The following MYBPC2 variants were observed in gnomAD, a reference collection of about 807,000 sequenced individuals.
MYBPC2 encodes the protein myosin-binding protein C, fast-type.
A neutral mutation model predicts 137.0 loss-of-function variants in MYBPC2; 122 were observed. That is an observed-to-expected ratio of 0.89 (90% confidence interval 0.77 to 1.03). The LOEUF (loss-of-function observed/expected upper bound fraction) is 1.03. Among genes scored for constraint, MYBPC2 ranks in the 50% least tolerant of loss-of-function variants. MYBPC2 has a pLI of 0.00. For synonymous variants in MYBPC2, 626 were observed against 612.3 expected (o/e 1.02, Z -0.33); for missense variants, 1,500 against 1,534.4 (o/e 0.98, Z 0.37).
Position 50,451,944 on chromosome 19 carries a change from C to T in MYBPC2, c.1690C>T (p.Leu564Phe), listed in dbSNP as rs748750674. ...IVVVAGNKLR[L>F]DVSITGEPPP... is the part of the protein sequence containing the mutation. ...GGTTGTGGCTGGAAACAAGCTGAGG[C>T]TTGACGTGTCCATCACAGGGGAGCC... Residue 564 changes from leucine (L) to phenylalanine (F), a missense_variant, in exon 16 of 28, where the codon CTT (leucine) becomes TTT (phenylalanine). Physicochemically the swap from Leu to Phe is conservative, Grantham distance 22. Coordinates refer to ENST00000357701, the MANE Select transcript of MYBPC2 (RefSeq NM_004533.4). 3 of 1,564,416 alleles carry T rather than the reference C, an allele frequency of 1.9e-6. No individual in the cohort carries two copies. The highest frequency in any genetic ancestry group is 2.6e-6 in the Non-Finnish European group (3 of 1,154,088).
intron 1 of MYBPC2, among the ~76,000 whole-genome samples, chr19:50,434,308 A>C (rs1397065134): frequency 1.4e-5 from 2 of 147,322 alleles, no homozygotes; most frequent in Non-Finnish European, 3.0e-5. Context: ...AGTGAGCCCA[A>C]ATCTTGCCAC....
chr19:50,443,464 C>G (rs1275858388), intron 9 of MYBPC2, 30 bp from the exon 10 acceptor site: 1 of 1,608,444 alleles, frequency 6.2e-7, no homozygotes, highest in Admixed American at 1.7e-5. Context: ...ATGCTCCACG[C>G]CCTGGTTTGA....
At chr19:50,456,435 C>CTTTTT (rs573334192) in intron 20 of MYBPC2, among the ~76,000 whole-genome samples, 2 of 132,418 alleles carry the variant, frequency 1.5e-5, no homozygotes, top group South Asian at 2.3e-4. Flanking sequence ...CTCTCTCTCT[C>CTTTTT]TTTTTTTTTT....
At chr19:50,443,852 G>T in intron 11 of MYBPC2, 36 bp downstream of exon 11, 3 of 1,576,842 alleles carry the variant, frequency 1.9e-6, no homozygotes, top group Non-Finnish European at 2.6e-6. Flanking sequence ...CCATACAGGT[G>T]CACATAGTTT....
chr19:50,457,680 G>GTTTTTTTT (rs544491551), intron 20 of MYBPC2, among the ~76,000 whole-genome samples: 9 of 126,422 alleles, frequency 7.1e-5, no homozygotes, highest in Non-Finnish European at 9.7e-5. Flanking sequence ...CCTGGGGAAA[G>GTTTTTTTT]TTTTTTTTTT....
chr19:50,436,315 G>A (rs1004204296), intron 4 of MYBPC2, among the ~76,000 whole-genome samples, 155 bp downstream of exon 4: 4 of 152,216 alleles, frequency 2.6e-5, no homozygotes, highest in Non-Finnish European at 4.4e-5. Flanking sequence ...GGGCTGCTGG[G>A]GAGAGGTTGT....
chr19:50,451,838 TC>T, intron 15 of MYBPC2, 25 bp from the exon 16 acceptor site: 2 of 1,581,354 alleles, frequency 1.3e-6, no homozygotes, highest in Non-Finnish European at 1.7e-6. Context: ...ACTCCCAGGG[TC>T]CCTGTATCTC....
At chr19:50,456,463 T>C (rs1044977334) in intron 20 of MYBPC2, among the ~76,000 whole-genome samples, 9 of 150,324 alleles carry the variant, frequency 6.0e-5, no homozygotes, top group Non-Finnish European at 1.0e-4. Flanking sequence ...GACAGAGTCT[T>C]GCTCTGTTGC....
chr19:50,456,827 C>G (rs1036168953), intron 20 of MYBPC2, among the ~76,000 whole-genome samples: 6 of 152,138 alleles, frequency 3.9e-5, no homozygotes, highest in African/African-American at 7.2e-5. Context: ...AACCATCTGT[C>G]CACCTAACCA....
At chr19:50,437,749 G>GA (rs1389112050) in intron 7 of MYBPC2, 31 bp downstream of exon 7, 1 of 1,585,266 alleles carries the variant, frequency 6.3e-7, no homozygotes, top group South Asian at 1.2e-5. Context: ...AGAGAGGGGA[G>GA]ATGGGACTCA....
chr19:50,440,993 T>C lies in MYBPC2; in HGVS notation c.686T>C (p.Ile229Thr). 1 of 1,612,736 alleles carries C rather than the reference T, an allele frequency of 6.2e-7. No individual in the cohort carries two copies. The highest frequency in any genetic ancestry group is 1.1e-5 in the South Asian group (1 of 90,842). The change falls in exon 8 of 28, where the codon ATC (isoleucine) becomes ACC (threonine). Residue 229 changes from isoleucine (I) to threonine (T), a missense_variant. By Grantham distance (89) the Ile-to-Thr change is moderately conservative. Transcript: ENST00000357701. ...GCAAAGAAGAGCGAGTACGAGAAAA[T>C]CGCCTTCCAGTATGGCATCACCGAC... ...KGAKKSEYEKIAFQYGITDLR... is the reference protein window; with the variant it reads ...KGAKKSEYEKTAFQYGITDLR...
rs772070683 is a variant in MYBPC2, at chr19:50,448,237, A to G, written c.1319A>G (p.Glu440Gly). 6 of 1,613,390 alleles carry G rather than the reference A, an allele frequency of 3.7e-6. No homozygotes were observed. Among genetic ancestry groups the G allele is most frequent in the Non-Finnish European group, 5.1e-6 (6 of 1,179,570 alleles). ...AELIVEEKQLEVLQDIADLTV... is the reference protein window; with the variant it reads ...AELIVEEKQLGVLQDIADLTV... The stretch of plus-strand genomic sequence containing the variant: ...TCTCCCTGACCAGAGAAACAGCTGG[A>G]GGTCCTGCAGGACATCGCGGATCTG... The change falls in exon 13 of 28, where the codon GAG (glutamate) becomes GGG (glycine). Residue 440 changes from glutamate (E) to glycine (G), a missense_variant. Glu to Gly is a moderately conservative substitution (Grantham distance 98). Coordinates refer to ENST00000357701, the MANE Select transcript of MYBPC2 (RefSeq NM_004533.4).
intron 11 of MYBPC2, among the ~76,000 whole-genome samples, chr19:50,444,036 G>A (rs1277487839): frequency 1.3e-5 from 2 of 152,036 alleles, no homozygotes; most frequent in South Asian, 2.1e-4. Context: ...CTTCAGGGTC[G>A]TCTTCCTGAT....
At chr19:50,437,231 A>T (rs563686071) in intron 5 of MYBPC2, among the ~76,000 whole-genome samples, 1 of 152,058 alleles carries the variant, frequency 6.6e-6, no homozygotes, top group Non-Finnish European at 1.5e-5. Context: ...GGGGAGAAAG[A>T]CATGGTGGCC....
At chr19:50,461,357 C>T (rs1034456244) in intron 24 of MYBPC2, among the ~76,000 whole-genome samples, 185 bp from the exon 25 acceptor site, 1 of 152,130 alleles carries the variant, frequency 6.6e-6, no homozygotes, top group Non-Finnish European at 1.5e-5. Context: ...TTTTGTTTGT[C>T]CATCCCTGCG....
rs753022510 is a variant in MYBPC2 at position 50,454,350 on chromosome 19, T to C, written c.1995T>C (p.Asp665=). 64 of 1,607,420 alleles carry C rather than the reference T, an allele frequency of 4.0e-5. No homozygotes were observed. Among genetic ancestry groups the C allele is most frequent in the Non-Finnish European group, 5.1e-5 (60 of 1,178,026 alleles). ...AILVWEPPMY[D]GGKPVTGYLV... ...TTGTCTGGGAGCCACCAATGTACGA[T>C]GGGGGGAAGCCAGTCACCGGTGAGT... The change falls in exon 18 of 28, where the codon GAT becomes GAC. Residue 665 remains aspartate (D), a synonymous_variant. Coordinates refer to ENST00000357701, the MANE Select transcript of MYBPC2 (RefSeq NM_004533.4).
intron 25 of MYBPC2, 54 bp downstream of exon 25, chr19:50,461,755 G>C: frequency 6.2e-7 from 1 of 1,605,648 alleles, no homozygotes; most frequent in Non-Finnish European, 8.5e-7. Flanking sequence ...CTCTCGCCCA[G>C]GTCCCACCTG....
intron 11 of MYBPC2, 28 bp from the exon 12 acceptor site, chr19:50,445,852 C>T (rs948271759): frequency 2.5e-6 from 4 of 1,580,638 alleles, no homozygotes; most frequent in Admixed American, 1.8e-5. Context: ...TGTCTCCTCA[C>T]ATCCCGTTCT....
chr19:50,453,839 C>G (rs1043917762), intron 16 of MYBPC2, among the ~76,000 whole-genome samples, 181 bp from the exon 17 acceptor site: 12 of 152,052 alleles, frequency 7.9e-5, no homozygotes, highest in African/African-American at 2.9e-4. Flanking sequence ...TGCGCCCCGT[C>G]CAGTCTGGTG....
Sources: gnomAD v4.1 joint callset for allele counts (sites outside exome capture counted in the v4.1 genomes callset) on GRCh38, gnomAD v4.1.1 for gene constraint, MANE v1.5 for transcripts, NCBI Gene and HGNC (gene_info 2026-07-23, HGNC 2026-07-21) for gene names.